Variants in KCNMB2 observed in about 807,000 individuals in gnomAD.
KCNMB2 encodes the protein calcium-activated potassium channel subunit beta-2.
In KCNMB2, 9 loss-of-function variants were observed where a neutral mutation model predicts 24.5. The ratio of observed to expected loss-of-function variants is 0.37; its 90% CI spans 0.22 to 0.64. The LOEUF is 0.64. Among genes scored for constraint, KCNMB2 ranks in the 30% least tolerant of loss-of-function variants. The probability of loss-of-function intolerance (pLI) is 0.63; values close to 1 mark genes in which losing one functional copy is unlikely to be tolerated. For missense variants in KCNMB2, 226 were observed against 284.3 expected (o/e 0.79, Z 1.47); for synonymous variants, 109 against 104.4 (o/e 1.04, Z -0.27).
chr3:178,609,404 G>GT (rs147957578), intron 1 of KCNMB2, among the ~76,000 whole-genome samples: 78 of 150,236 alleles, frequency 5.2e-4, no homozygotes, highest in African/African-American at 7.8e-4. Context: ...TGTCTGAGGT[G>GT]TTTTTTTTTC....
intron 1 of KCNMB2, among the ~76,000 whole-genome samples, chr3:178,805,264 C>T (rs1348919153): frequency 6.6e-6 from 1 of 152,186 alleles, no homozygotes; most frequent in African/African-American, 2.4e-5. Context: ...GAGATCAACT[C>T]CCAAACCTAA....
At chr3:178,665,950 T>C (rs1357035966) in intron 1 of KCNMB2, among the ~76,000 whole-genome samples, 2 of 152,132 alleles carry the variant, frequency 1.3e-5, no homozygotes, top group African/African-American at 2.4e-5. Context: ...CGTTAAGCCT[T>C]TCTATTACGC....
intron 1 of KCNMB2, among the ~76,000 whole-genome samples, chr3:178,546,933 C>T (rs1475071509): frequency 6.6e-6 from 1 of 152,138 alleles, no homozygotes; most frequent in Non-Finnish European, 1.5e-5. Flanking sequence ...TGTGAGATGG[C>T]GGAAAGATGG....
At chr3:178,790,974 A>G in intron 1 of KCNMB2, among the ~76,000 whole-genome samples, 1 of 152,210 alleles carries the variant, frequency 6.6e-6, no homozygotes, top group East Asian at 1.9e-4. Context: ...ATTCCTCTTG[A>G]ATACCTGGAA....
chr3:178,679,966 C>A (rs1470329515), intron 1 of KCNMB2, among the ~76,000 whole-genome samples: 4 of 151,902 alleles, frequency 2.6e-5, no homozygotes, highest in Non-Finnish European at 5.9e-5. Context: ...CATTTCAGAG[C>A]TTTTCCCCCA....
At chr3:178,660,268 T>C (rs1331638714) in intron 1 of KCNMB2, among the ~76,000 whole-genome samples, 6 of 152,180 alleles carry the variant, frequency 3.9e-5, no homozygotes, top group Non-Finnish European at 8.8e-5. Flanking sequence ...AAAATACCAA[T>C]TACAGCACCA....
chr3:178,663,758 C>A (rs1383214532), intron 1 of KCNMB2, among the ~76,000 whole-genome samples: 1 of 152,106 alleles, frequency 6.6e-6, no homozygotes, highest in Admixed American at 6.6e-5. Context: ...ACAGAACTTT[C>A]AAAATGAATA....
intron 1 of KCNMB2, among the ~76,000 whole-genome samples, chr3:178,566,609 GT>G (rs1716531052): frequency 6.6e-6 from 1 of 151,826 alleles, no homozygotes; most frequent in African/African-American, 2.4e-5. Flanking sequence ...TCTGTTTTTT[GT>G]TTTGAACCCA....
intron 1 of KCNMB2, among the ~76,000 whole-genome samples, chr3:178,597,967 C>T (rs1473127684): frequency 6.6e-6 from 1 of 151,484 alleles, no homozygotes; most frequent in Non-Finnish European, 1.5e-5. Flanking sequence ...AAACATGGAG[C>T]CTTAATAAGA....
At chr3:178,768,588 C>A (rs1275208508) in intron 1 of KCNMB2, among the ~76,000 whole-genome samples, 2 of 152,104 alleles carry the variant, frequency 1.3e-5, no homozygotes, top group South Asian at 2.1e-4. Context: ...TCTTGGCTGG[C>A]AGAAAACAGA....
At chr3:178,701,422 A>T (rs940864472) in intron 1 of KCNMB2, among the ~76,000 whole-genome samples, 10 of 152,188 alleles carry the variant, frequency 6.6e-5, no homozygotes, top group African/African-American at 2.4e-4. Context: ...TTGGCTTAGG[A>T]TTGACTTGGC....
intron 4 of KCNMB2, among the ~76,000 whole-genome samples, chr3:178,838,695 T>C (rs6443582): frequency 0.37 from 55,616 of 151,964 alleles, 11,315 homozygotes; most frequent in African/African-American, 0.55. Flanking sequence ...GGAAATCTAC[T>C]GGTCTAAATT....
chr3:178,714,923 C>T (rs1188065947), intron 1 of KCNMB2, among the ~76,000 whole-genome samples: 3 of 152,212 alleles, frequency 2.0e-5, no homozygotes, highest in Non-Finnish European at 4.4e-5. Flanking sequence ...CTAGTTGCAT[C>T]TGCAGCTTCC....
At chr3:178,761,819 A>G (rs1711899212) in intron 1 of KCNMB2, among the ~76,000 whole-genome samples, 1 of 152,218 alleles carries the variant, frequency 6.6e-6, no homozygotes, top group African/African-American at 2.4e-5. Context: ...GATACACAAT[A>G]AACAAACAAA....
At chr3:178,721,626 G>A (rs1722810429) in intron 1 of KCNMB2, among the ~76,000 whole-genome samples, 1 of 152,198 alleles carries the variant, frequency 6.6e-6, no homozygotes, top group African/African-American at 2.4e-5. Flanking sequence ...ATAAGTGTAT[G>A]TTTAACTTTG....
chr3:178,713,092 G>C (rs1256056882), intron 1 of KCNMB2, among the ~76,000 whole-genome samples: 3 of 152,196 alleles, frequency 2.0e-5, no homozygotes, highest in Non-Finnish European at 4.4e-5. Context: ...TGGACTGAGA[G>C]ATCTTATACC....
At chr3:178,555,146 A>G (rs534756938) in intron 1 of KCNMB2, among the ~76,000 whole-genome samples, 45 of 152,342 alleles carry the variant, frequency 3.0e-4, no homozygotes, top group South Asian at 1.5e-3. Context: ...CCTGCTGCTC[A>G]GGTGGACTCT....
At chr3:178,624,791 C>T (rs936657169) in intron 1 of KCNMB2, among the ~76,000 whole-genome samples, 3 of 151,612 alleles carry the variant, frequency 2.0e-5, no homozygotes, top group East Asian at 3.9e-4. Flanking sequence ...GTGGACAGGG[C>T]GGGCAACCTG....
chr3:178,572,974 A>T (rs1353382940), intron 1 of KCNMB2, among the ~76,000 whole-genome samples: 5 of 152,198 alleles, frequency 3.3e-5, no homozygotes, highest in Non-Finnish European at 2.9e-5. Flanking sequence ...GGTTCTCCAG[A>T]AACTATTATG....
Sources: gnomAD v4.1 joint callset for allele counts (sites outside exome capture counted in the v4.1 genomes callset) on GRCh38, gnomAD v4.1.1 for gene constraint, MANE v1.5 for transcripts, NCBI Gene and HGNC (gene_info 2026-07-23, HGNC 2026-07-21) for gene names.